The following SRR variants were observed in gnomAD, a reference collection of about 807,000 sequenced individuals.
SRR encodes the protein D-serine ammonia-lyase.
A neutral mutation model predicts 32.7 loss-of-function variants in SRR; 19 were observed. The observed-to-expected ratio is 0.58, with a 90% CI of 0.40 to 0.85. The LOEUF (loss-of-function observed/expected upper bound fraction) is 0.85. Among genes scored for constraint, SRR ranks in the 40% least tolerant of loss-of-function variants. The pLI is 0.00. For synonymous variants in SRR, 142 were observed against 140.9 expected, an observed-to-expected ratio of 1.01 and a Z score of -0.06; for missense variants, 373 against 404.7, an observed-to-expected ratio of 0.92 and a Z score of 0.67.
chr17:2,316,031 A>G (rs1306218397), intron 2 of SRR, among the ~76,000 whole-genome samples: 1 of 152,166 alleles, frequency 6.6e-6, no homozygotes, highest in Non-Finnish European at 1.5e-5. Context: ...GTCATATGCC[A>G]CATAACGTTT....
upstream of SRR, chr17:2,303,802 C>A: frequency 8.5e-7 from 1 of 1,174,776 alleles, no homozygotes; most frequent in Non-Finnish European, 1.2e-6. Flanking sequence ...GCGGCGCGCG[C>A]GCTCGCCCAC....
chr17:2,321,540 A>G lies in SRR; in HGVS notation c.520-2A>G. On this transcript the variant is annotated splice_acceptor_variant, in intron 5 of 7. Coordinates refer to ENST00000344595, the MANE Select transcript of SRR (RefSeq NM_021947.3). LOFTEE classifies it high-confidence loss of function. ...TGCTTACAGTTTATATTTTCACTAA[A>G]GGTTCCTTTGGTGGATGCACTGGTG... 6.2e-7 allele frequency: 1 copy of G among 1,614,152 alleles called. No individual in the cohort carries two copies. The highest frequency in any genetic ancestry group is 1.3e-5 in the African/African-American group (1 of 75,062).
At chr17:2,315,437 G>A in intron 1 of SRR, 120 bp from the exon 2 acceptor site, 2 of 962,076 alleles carry the variant, frequency 2.1e-6, no homozygotes, top group African/African-American at 1.7e-5. Context: ...TCCAATAATG[G>A]AGAATTTCCA....
At chr17:2,316,866 C>T (rs1016405564) in intron 2 of SRR, among the ~76,000 whole-genome samples, 1 of 149,238 alleles carries the variant, frequency 6.7e-6, no homozygotes. Flanking sequence ...GCGCCTGCCA[C>T]CACGCCCAGC....
chr17:2,303,800 C>A (rs1333610122), upstream of SRR: 23 of 1,206,686 alleles, frequency 1.9e-5, no homozygotes, highest in Non-Finnish European at 2.5e-5. Flanking sequence ...GGGCGGCGCG[C>A]GCGCTCGCCC....
In SRR at chr17:2,317,990, T is replaced by C. The variant is rs774180946; in HGVS notation, c.289T>C (p.Leu97=). ...HGQALTYAAK[L]EGIPAYIVVP... ...CCAGGCTCTCACCTATGCTGCCAAA[T>C]TGGAAGGTACTTGATTTCTCAAGGT... Residue 97 remains leucine, a synonymous_variant, in exon 3 of 8, where the codon TTG becomes CTG. Transcript: ENST00000344595. 3.7e-6 allele frequency: 6 copies of C among 1,612,220 alleles called. No homozygotes were observed. In the East Asian group the frequency reaches 6.7e-5, roughly 18 times the overall value.
At chr17:2,303,450 C>A (rs1205434140), upstream of SRR, 4 of 1,304,286 alleles carry the variant, frequency 3.1e-6, no homozygotes, top group South Asian at 4.4e-5. Flanking sequence ...ACTGGCCGAG[C>A]CCGACCCCGC....
At chr17:2,307,513 G>T in intron 1 of SRR, 1 of 1,360,122 alleles carries the variant, frequency 7.4e-7, no homozygotes, top group Non-Finnish European at 1.0e-6. Flanking sequence ...AATGATGGAA[G>T]CAATTTTGGA....
upstream of SRR, chr17:2,303,435 C>T: frequency 7.7e-7 from 1 of 1,293,798 alleles, no homozygotes; most frequent in Non-Finnish European, 9.8e-7. Flanking sequence ...CCGGAGCTGG[C>T]CAGGACTGGC....
intron 1 of SRR, among the ~76,000 whole-genome samples, chr17:2,310,601 CAG>C (rs2075426820): frequency 6.6e-6 from 1 of 151,422 alleles, no homozygotes; most frequent in African/African-American, 2.4e-5. Context: ...TTTTTTGAGA[CAG>C]AGTCTCACTC....
At chr17:2,313,949 T>C (rs566983109) in intron 1 of SRR, among the ~76,000 whole-genome samples, 226 of 152,314 alleles carry the variant, frequency 1.5e-3, no homozygotes, top group Non-Finnish European at 2.6e-3. Context: ...TATCTCTGTA[T>C]TTTCAGATTA....
At chr17:2,313,976 A>C (rs1332465039) in intron 1 of SRR, among the ~76,000 whole-genome samples, 4 of 152,176 alleles carry the variant, frequency 2.6e-5, no homozygotes, top group Admixed American at 2.6e-4. Flanking sequence ...TTTTCTAATG[A>C]ATATAGATTC....
At chr17:2,308,195 G>A (rs557855481) in intron 1 of SRR, among the ~76,000 whole-genome samples, 2 of 151,996 alleles carry the variant, frequency 1.3e-5, no homozygotes, top group South Asian at 4.1e-4. Context: ...ACTTCTCAGA[G>A]GAAAAATCCT....
intron 1 of SRR, among the ~76,000 whole-genome samples, chr17:2,305,253 T>C (rs763522228): frequency 1.3e-5 from 2 of 152,240 alleles, no homozygotes; most frequent in Non-Finnish European, 1.5e-5. Flanking sequence ...ATCTGTTTCA[T>C]ATTGAAATTT....
At chr17:2,316,535 T>A (rs1391696657) in intron 2 of SRR, among the ~76,000 whole-genome samples, 1 of 152,154 alleles carries the variant, frequency 6.6e-6, no homozygotes. Flanking sequence ...ACATTATCAA[T>A]ATAAAAGATC....
chr17:2,305,758 G>A (rs1404503728), intron 1 of SRR, among the ~76,000 whole-genome samples: 2 of 151,976 alleles, frequency 1.3e-5, no homozygotes, highest in African/African-American at 4.8e-5. Context: ...GGAGTGCAGT[G>A]GCACAATCTT....
At chr17:2,323,611 T>C (rs899691335) in intron 7 of SRR, 44 bp from the exon 8 acceptor site, 1 of 1,594,422 alleles carries the variant, frequency 6.3e-7, no homozygotes, top group Non-Finnish European at 8.6e-7. Context: ...GTAAACCAAC[T>C]AGACTCCCCT....
At chr17:2,320,251 CTTTTTTTT>C (rs35025479) in intron 4 of SRR, among the ~76,000 whole-genome samples, 1 of 76,740 alleles carries the variant, frequency 1.3e-5, no homozygotes, top group East Asian at 4.6e-4. Context: ...CATCTCTCAT[CTTTTTTTT>C]TTTTTTTTTT....
At chr17:2,303,558 G>C (rs954529147), upstream of SRR, 41 of 1,349,760 alleles carry the variant, frequency 3.0e-5, no homozygotes, top group African/African-American at 4.8e-4. Flanking sequence ...AGGGCCGAGC[G>C]GGGAGGAGGC....
Sources: gnomAD v4.1 joint callset for allele counts (sites outside exome capture counted in the v4.1 genomes callset) on GRCh38, gnomAD v4.1.1 for gene constraint, MANE v1.5 for transcripts, NCBI Gene and HGNC (gene_info 2026-07-23, HGNC 2026-07-21) for gene names.